The following KCNH7 variants were observed in gnomAD, a reference collection of about 807,000 sequenced individuals.
The protein encoded by KCNH7 is potassium voltage-gated channel subfamily H member 7.
In KCNH7, 49 loss-of-function variants were observed where a neutral mutation model predicts 120.8. The ratio of observed to expected loss-of-function variants is 0.41; its 90% CI spans 0.32 to 0.51. The LOEUF is 0.51. Among genes scored for constraint, KCNH7 ranks in the 20% least tolerant of loss-of-function variants. KCNH7 has a pLI of 0.38. For missense variants in KCNH7, 1,097 were observed against 1,446.6 expected (o/e 0.76, Z 3.92); for synonymous variants, 547 against 516.1 (o/e 1.06, Z -0.81).
intron 3 of KCNH7, among the ~76,000 whole-genome samples, chr2:162,535,177 G>T (rs964216078): frequency 8.6e-5 from 13 of 151,688 alleles, no homozygotes; most frequent in Non-Finnish European, 1.6e-4. Context: ...AACAATCAGA[G>T]CCAGGGCGTA....
chr2:162,729,110 C>T (rs1368349434), intron 2 of KCNH7, among the ~76,000 whole-genome samples: 2 of 151,180 alleles, frequency 1.3e-5, no homozygotes, highest in Non-Finnish European at 2.9e-5. Flanking sequence ...TGTCTCTCGA[C>T]TCTATACTGT....
Position 162,657,872 on chromosome 2 carries a change from T to G in KCNH7, c.308-120792A>C, listed in dbSNP as rs1451888069. 4.3e-5 allele frequency among the ~76,000 whole-genome samples: 6 copies of G among 138,834 alleles called. No homozygotes were observed. In the East Asian group the frequency reaches 1.3e-3, roughly 31 times the overall value. 91.1% of individuals were successfully genotyped at this position (138,834 alleles called of 152,430 possible). A position where few individuals can be genotyped will look rare whatever the true frequency, so the allele number is the denominator to read the frequency against. ...GGCAAACTATAAAACTCATAGAAGA[T>G]AACAAATAACAAATTCTAGATGGCT... On this transcript the variant is annotated intron_variant, in intron 2 of 15. Coordinates refer to ENST00000332142, the MANE Select transcript of KCNH7 (RefSeq NM_033272.4).
intron 2 of KCNH7, among the ~76,000 whole-genome samples, chr2:162,567,190 T>C (rs1693284922): frequency 6.6e-6 from 1 of 152,038 alleles, no homozygotes; most frequent in African/African-American, 2.4e-5. Context: ...TTAGTAGATA[T>C]GATATTCCAA....
At chr2:162,522,603 TAAGTC>T (rs1691570282) in intron 3 of KCNH7, among the ~76,000 whole-genome samples, 1 of 151,852 alleles carries the variant, frequency 6.6e-6, no homozygotes, top group African/African-American at 2.4e-5. Context: ...CCTTGTAAGT[TAAGTC>T]TTCAGATTTT....
intron 2 of KCNH7, among the ~76,000 whole-genome samples, chr2:162,601,369 T>A (rs1694546199): frequency 7.2e-6 from 1 of 138,556 alleles, no homozygotes; most frequent in African/African-American, 2.6e-5. Context: ...CTGTTCTGAC[T>A]TCCCAAATTT....
At chr2:162,602,022 A>C (rs1466379951) in intron 2 of KCNH7, among the ~76,000 whole-genome samples, 1 of 152,090 alleles carries the variant, frequency 6.6e-6, no homozygotes, top group African/African-American at 2.4e-5. Flanking sequence ...GTCCTTTTGG[A>C]TATTAGGGTC....
At chr2:162,656,213 T>C (rs1277949302) in intron 2 of KCNH7, among the ~76,000 whole-genome samples, 2 of 152,226 alleles carry the variant, frequency 1.3e-5, no homozygotes, top group African/African-American at 4.8e-5. Context: ...CCTGTTTTTC[T>C]AGAGAAACAG....
intron 6 of KCNH7, among the ~76,000 whole-genome samples, chr2:162,466,983 C>T (rs1482169625): frequency 6.6e-6 from 1 of 152,138 alleles, no homozygotes; most frequent in African/African-American, 2.4e-5. Flanking sequence ...GAGTGGATTG[C>T]TATAACCAGC....
chr2:162,414,069 A>G (rs1414803185), intron 9 of KCNH7, among the ~76,000 whole-genome samples: 1 of 152,026 alleles, frequency 6.6e-6, no homozygotes. Context: ...GAGTAAAAAC[A>G]AATTTTCATA....
intron 2 of KCNH7, among the ~76,000 whole-genome samples, chr2:162,572,820 T>C (rs567932583): frequency 6.6e-6 from 1 of 150,572 alleles, no homozygotes; most frequent in Non-Finnish European, 1.5e-5. Context: ...CACCGCATAT[T>C]CTCACTCATA....
At chr2:162,531,886 G>A (rs1357356841) in intron 3 of KCNH7, among the ~76,000 whole-genome samples, 1 of 151,818 alleles carries the variant, frequency 6.6e-6, no homozygotes, top group Non-Finnish European at 1.5e-5. Flanking sequence ...TTATACTTAG[G>A]TTTACAAAAT....
intron 8 of KCNH7, among the ~76,000 whole-genome samples, chr2:162,433,192 T>C (rs905449537): frequency 1.4e-4 from 21 of 152,092 alleles, no homozygotes; most frequent in Admixed American, 2.6e-4. Context: ...ATTGTTAAAA[T>C]GTCCATACTC....
At chr2:162,825,759 A>G (rs1408061716) in intron 2 of KCNH7, among the ~76,000 whole-genome samples, 1 of 152,052 alleles carries the variant, frequency 6.6e-6, no homozygotes. Context: ...GTAATCATTA[A>G]AAAAATATGC....
Position 162,531,302 on chromosome 2 carries a change from T to A in KCNH7, c.463+5623A>T, listed in dbSNP as rs772279544. Among the ~76,000 whole-genome samples, 130 of 152,008 alleles carry A rather than the reference T, an allele frequency of 8.6e-4. 1 individual carries two copies. Among genetic ancestry groups the A allele is most frequent in the Admixed American group, 2.0e-4 (3 of 15,250 alleles). On this transcript the variant is annotated intron_variant, in intron 3 of 15. Transcript: ENST00000332142. ...TTCAATTCTCCATTTACATTTCAGT[T>A]TTAAACGGACACATTATCTTTTTTA...
At chr2:162,817,020 GATC>G (rs200701699) in intron 2 of KCNH7, among the ~76,000 whole-genome samples, 2,375 of 152,204 alleles carry the variant, frequency 0.016, 53 homozygotes, top group African/African-American at 0.049. Context: ...TCTGGGTAAT[GATC>G]ATGTGGTTAT....
rs114778400 is a variant in KCNH7, at chr2:162,464,083, A to G, written c.1129-17640T>C. Among the ~76,000 whole-genome samples the G allele has an allele frequency of 2.9e-3, 439 of 152,098 alleles. 2 individuals are homozygous for G. The highest frequency in any genetic ancestry group is 0.01 in the African/African-American group (425 of 41,564). On this transcript the variant is annotated intron_variant, in intron 6 of 15. Coordinates refer to ENST00000332142, the MANE Select transcript of KCNH7 (RefSeq NM_033272.4). The stretch of plus-strand genomic sequence containing the variant: ...TATCAACCAAAGTCTTTTAGTAGCT[A>G]ATCTCATAAGTAATTTTAAACCAAT...
chr2:162,669,802 T>C (rs1338447123), intron 2 of KCNH7, among the ~76,000 whole-genome samples: 1 of 152,156 alleles, frequency 6.6e-6, no homozygotes, highest in Non-Finnish European at 1.5e-5. Flanking sequence ...GTCTAAAGTA[T>C]GTGCTTAAGA....
At chr2:162,735,347 A>G (rs1206687513) in intron 2 of KCNH7, among the ~76,000 whole-genome samples, 1 of 152,218 alleles carries the variant, frequency 6.6e-6, no homozygotes, top group Non-Finnish European at 1.5e-5. Context: ...GGTTAAAATT[A>G]TAATAGGAGC....
intron 2 of KCNH7, among the ~76,000 whole-genome samples, chr2:162,766,898 CACACACAT>C (rs1181818856): frequency 7.0e-6 from 1 of 142,172 alleles, no homozygotes; most frequent in Non-Finnish European, 1.5e-5. Flanking sequence ...CACACACACA[CACACACAT>C]AAACACACAT....
Sources: gnomAD v4.1 joint callset for allele counts (sites outside exome capture counted in the v4.1 genomes callset) on GRCh38, gnomAD v4.1.1 for gene constraint, MANE v1.5 for transcripts, NCBI Gene and HGNC (gene_info 2026-07-23, HGNC 2026-07-21) for gene names.